The following KNL1 variants were observed in gnomAD, a reference collection of about 807,000 sequenced individuals.
KNL1 encodes the protein outer kinetochore KNL1 complex subunit KNL1.
Under a neutral mutation model 201.3 loss-of-function variants are expected in KNL1, and 66 were observed. The ratio of observed to expected loss-of-function variants is 0.33; its 90% CI spans 0.27 to 0.40. The LOEUF (loss-of-function observed/expected upper bound fraction) is 0.40. KNL1 is among the 10% of genes least tolerant of loss of function. KNL1 has a pLI of 1.00. For missense variants in KNL1, 2,815 were observed against 2,690.5 expected (o/e 1.05, Z -1.02); for synonymous variants, 895 against 899.2 (o/e 1.00, Z 0.08).
rs749680600 is a variant in KNL1, at chr15:40,624,748, G to T, written c.4484G>T (p.Ser1495Ile). ...ICENKPKILN[S>I]EEWFAAACKK... Reference sequence around the variant, plus strand: ...GAAAACAAGCCCAAAATACTCAATAGTGAGGAATGGTTTGCTGCAGCCTGT... The same window carrying T: ...GAAAACAAGCCCAAAATACTCAATATTGAGGAATGGTTTGCTGCAGCCTGT... The change falls in exon 10 of 26, where the codon AGT (serine) becomes ATT (isoleucine). Residue 1495 changes from serine (S) to isoleucine (I), a missense_variant. Physicochemically the swap from Ser to Ile is moderately radical, Grantham distance 142. Around this residue, in one of 3 missense-constraint regions of KNL1, gnomAD observed 2,464 missense variants for 2,291.7 expected, o/e 1.08. Transcript: ENST00000399668. 3 of 1,613,818 alleles carry T rather than the reference G, an allele frequency of 1.9e-6. No individual in the cohort carries two copies. In the Middle Eastern group the frequency reaches 5.0e-4, roughly 266 times the overall value.
Position 40,622,071 on chromosome 15 carries a change from T to A in KNL1, c.1807T>A (p.Ser603Thr). ...ACCGGAGAGTACCAGTGAATCTCAC[T>A]CTCAGAGCAAAAGCTCTTCAGATGA... is the stretch of plus-strand genomic sequence containing the variant. ...LAPESTSESHSQSKSSSDECE... is the reference protein window; with the variant it reads ...LAPESTSESHTQSKSSSDECE... Residue 603 changes from serine (S) to threonine (T), a missense_variant, in exon 10 of 26, where the codon TCT becomes ACT. Coordinates refer to ENST00000399668, the MANE Select transcript of KNL1 (RefSeq NM_144508.5). The A allele has an allele frequency of 6.2e-7, 1 of 1,614,040 alleles. No homozygotes were observed. Among genetic ancestry groups the A allele is most frequent in the South Asian group, 1.1e-5 (1 of 91,066 alleles).
intron 22 of KNL1, 78 bp downstream of exon 22, chr15:40,655,055 T>TAATCCCA (rs1893682743): frequency 1.7e-6 from 2 of 1,145,786 alleles, no homozygotes; most frequent in African/African-American, 1.5e-5. Context: ...CCCAGCACTT[T>TAATCCCA]GGGAGGCTGA....
At chr15:40,626,443 T>A (rs945054843) in intron 10 of KNL1, among the ~76,000 whole-genome samples, 1 of 151,854 alleles carries the variant, frequency 6.6e-6, no homozygotes, top group African/African-American at 2.4e-5. Flanking sequence ...AGTCCTGATA[T>A]TACAGGAGTG....
At chr15:40,614,249 C>T (rs1432097595) in intron 7 of KNL1, among the ~76,000 whole-genome samples, 1 of 152,118 alleles carries the variant, frequency 6.6e-6, no homozygotes, top group Non-Finnish European at 1.5e-5. Context: ...AGGTGCACAC[C>T]ACCACGCCCA....
intron 20 of KNL1, among the ~76,000 whole-genome samples, chr15:40,651,802 C>G (rs1893573163): frequency 2.6e-5 from 4 of 152,152 alleles, no homozygotes. Context: ...TGGTGTTTCT[C>G]TGATATACAA....
At position 40,606,453 on chromosome 15, in the gene KNL1, G is replaced by A. The variant is rs1470399026; in HGVS notation, c.135+1G>A. 1.3e-6 allele frequency: 2 copies of A among 1,517,720 alleles called. No individual in the cohort carries two copies. Among genetic ancestry groups the A allele is most frequent in the Non-Finnish European group, 1.8e-6 (2 of 1,093,178 alleles). 94.0% of individuals were successfully genotyped at this position (1,517,720 alleles called of 1,614,324 possible). ...CAGAGGTGGGAATGAAAGAGTTCAG[G>A]TAAGTCTTTTGTGCAAATACTTTAT... On this transcript the variant is annotated splice_donor_variant, in intron 4 of 25. Transcript: ENST00000399668. LOFTEE classifies it high-confidence loss of function.
rs1170663121 is a variant in KNL1, at chr15:40,625,563, G to A, written c.5299G>A (p.Glu1767Lys). The change falls in exon 10 of 26, where the codon GAA becomes AAA. Residue 1767 changes from glutamate (E) to lysine (K), a missense_variant. Physicochemically the swap from Glu to Lys is moderately conservative, Grantham distance 56. Coordinates refer to ENST00000399668, the MANE Select transcript of KNL1 (RefSeq NM_144508.5). ...TAGCCAAAAAAGAACGTGGGTACAA[G>A]AAGAAGAAGATATTCATAAGGAGAA... ...CNSQKRTWVQ[E>K]EEDIHKEKKI... is the part of the protein sequence containing the mutation. 6.2e-7 allele frequency: 1 copy of A among 1,601,438 alleles called. No homozygotes were observed. The highest frequency in any genetic ancestry group is 8.5e-7 in the Non-Finnish European group (1 of 1,174,548).
intron 13 of KNL1, among the ~76,000 whole-genome samples, chr15:40,637,979 A>C (rs1893107315): frequency 6.6e-6 from 1 of 151,922 alleles, no homozygotes; most frequent in Admixed American, 6.6e-5. Context: ...GGAGTTCAAG[A>C]CCAGCCTGGG....
chr15:40,654,659 G>A (rs1220793242), intron 21 of KNL1, among the ~76,000 whole-genome samples: 1 of 151,622 alleles, frequency 6.6e-6, no homozygotes, highest in Non-Finnish European at 1.5e-5. Context: ...CACGAGGTCA[G>A]GAGATCGAGA....
intron 7 of KNL1, among the ~76,000 whole-genome samples, chr15:40,612,603 G>A (rs567841534): frequency 6.6e-6 from 1 of 151,782 alleles, no homozygotes; most frequent in African/African-American, 2.4e-5. Flanking sequence ...TGCAACCTCC[G>A]CCTCCTGGGT....
In KNL1 at chr15:40,624,707, C is replaced by G; in HGVS notation, c.4443C>G (p.Ser1481=). 1.2e-6 allele frequency: 2 copies of G among 1,613,070 alleles called. No homozygotes were observed. Among genetic ancestry groups the G allele is most frequent in the South Asian group, 1.1e-5 (1 of 91,002 alleles). ...GNKSLNIIEN[S]SAPICENKPK... ...AGAGTTTAAATATTATAGAAAATTCCTCTGCACCCATATGTGAAAACAAGC... is the reference window on the plus strand; with the variant it reads ...AGAGTTTAAATATTATAGAAAATTCGTCTGCACCCATATGTGAAAACAAGC... Residue 1481 remains serine, a synonymous_variant, in exon 10 of 26, where the codon TCC becomes TCG. Transcript: ENST00000399668.
intron 13 of KNL1, among the ~76,000 whole-genome samples, chr15:40,639,122 G>T: frequency 6.7e-6 from 1 of 149,360 alleles, no homozygotes; most frequent in African/African-American, 2.5e-5. Flanking sequence ...AGTACATATA[G>T]TTTTGATTTT....
chr15:40,618,392 G>A (rs1390409088), intron 8 of KNL1, among the ~76,000 whole-genome samples: 1 of 151,754 alleles, frequency 6.6e-6, no homozygotes, highest in Non-Finnish European at 1.5e-5. Context: ...TCTTATCATG[G>A]GAATATCTAG....
chr15:40,645,123 A>C, intron 15 of KNL1, 36 bp downstream of exon 15: 2 of 1,355,780 alleles, frequency 1.5e-6, no homozygotes, highest in Non-Finnish European at 2.1e-6. Flanking sequence ...AGAATCAGTG[A>C]AGACATTCTG....
At chr15:40,616,507 A>G (rs1487208588) in intron 8 of KNL1, among the ~76,000 whole-genome samples, 1 of 152,192 alleles carries the variant, frequency 6.6e-6, no homozygotes, top group Non-Finnish European at 1.5e-5. Flanking sequence ...TCATTCACTG[A>G]AGTCAGGAAT....
At chr15:40,602,175 C>T (rs1441247742) in intron 1 of KNL1, among the ~76,000 whole-genome samples, 2 of 151,622 alleles carry the variant, frequency 1.3e-5, no homozygotes, top group Admixed American at 1.3e-4. Flanking sequence ...TACAGGCGCC[C>T]GCCACCGCGC....
At chr15:40,610,394 A>G in intron 6 of KNL1, 97 bp downstream of exon 6, 1 of 706,414 alleles carries the variant, frequency 1.4e-6, no homozygotes. Flanking sequence ...TGTCTATCTT[A>G]TTGCTTAAAA....
At chr15:40,619,242 G>A (rs1221857316) in intron 9 of KNL1, among the ~76,000 whole-genome samples, 1 of 151,864 alleles carries the variant, frequency 6.6e-6, no homozygotes, top group Non-Finnish European at 1.5e-5. Flanking sequence ...GAGCACATGA[G>A]TCTTTATTTC....
chr15:40,649,081 G>T (rs1174471911), intron 17 of KNL1, among the ~76,000 whole-genome samples: 6 of 148,352 alleles, frequency 4.0e-5, no homozygotes, highest in Non-Finnish European at 7.4e-5. Context: ...CAGGTGATCC[G>T]CCCGCCTCGG....
Sources: allele counts gnomAD v4.1 joint callset (sites outside exome capture counted in the v4.1 genomes callset), GRCh38; gene constraint gnomAD v4.1.1; regional missense constraint gnomAD v4.1.1; transcripts MANE v1.5; gene names NCBI Gene and HGNC (gene_info 2026-07-23, HGNC 2026-07-21).